Variants in INPP5A observed in about 807,000 individuals in gnomAD.
INPP5A encodes the protein 43 kDa inositol polyphosphate 5-phophatase.
INPP5A carries 14 observed loss-of-function variants against 65.2 expected under a neutral mutation model. That is an observed-to-expected ratio of 0.21 (90% CI 0.14 to 0.34). INPP5A has a LOEUF of 0.34. INPP5A is among the 10% of genes least tolerant of loss of function. The probability of loss-of-function intolerance (pLI) is 1.00; values close to 1 mark genes in which losing one functional copy is unlikely to be tolerated. For synonymous variants in INPP5A, 207 were observed against 208.3 expected (o/e 0.99, Z 0.05); for missense variants, 431 against 545.6 (o/e 0.79, Z 2.09).
chr10:132,599,711 C>T (rs1391312083), intron 1 of INPP5A, among the ~76,000 whole-genome samples: 1 of 152,264 alleles, frequency 6.6e-6, no homozygotes, highest in Non-Finnish European at 1.5e-5. Context: ...GAGGGCCCCA[C>T]CCCTGCAGCA....
chr10:132,729,974 C>T (rs1403038252), intron 9 of INPP5A, among the ~76,000 whole-genome samples: 1 of 152,208 alleles, frequency 6.6e-6, no homozygotes, highest in Non-Finnish European at 1.5e-5. Context: ...CGAGTGAGCA[C>T]CTGTGTCTGA....
At position 132,559,265 on chromosome 10, in the gene INPP5A, G is replaced by A. The variant is rs117284972; in HGVS notation, c.75+21094G>A. Among the ~76,000 whole-genome samples, 1,462 of 152,322 alleles carry A rather than the reference G, an allele frequency of 9.6e-3. 15 individuals carry two copies. The highest frequency in any genetic ancestry group is 0.034 in the East Asian group (174 of 5,180). ...TCTCCCCGGCCCTGCTGAGTGAAGCGCACACGTGGTAAATCTGCCCCATCA... is the reference window on the plus strand; with the variant it reads ...TCTCCCCGGCCCTGCTGAGTGAAGCACACACGTGGTAAATCTGCCCCATCA... On this transcript the variant is annotated intron_variant, in intron 1 of 15. Coordinates refer to ENST00000368594, the MANE Select transcript of INPP5A (RefSeq NM_005539.5).
chr10:132,777,570 C>T, intron 12 of INPP5A, 101 bp from the exon 13 acceptor site: 2 of 990,580 alleles, frequency 2.0e-6, no homozygotes, highest in Non-Finnish European at 3.0e-6. Flanking sequence ...GTAGTGCTGG[C>T]CATTCTAAGG....
At chr10:132,664,903 C>T (rs1183390107) in intron 4 of INPP5A, among the ~76,000 whole-genome samples, 2 of 152,190 alleles carry the variant, frequency 1.3e-5, no homozygotes, top group Admixed American at 1.3e-4. Flanking sequence ...GAGATGCATC[C>T]TGCTGTCTTA....
At position 132,676,573 on chromosome 10, in the gene INPP5A, T is replaced by G. The variant is rs2072967273; in HGVS notation, c.307-13819T>G. ...GGCTGAACACAAGCAGGTGACTGTG[T>G]GGGACAGGGCTGCCCAAACCGCCGC... On this transcript the variant is annotated intron_variant, in intron 4 of 15. Transcript: ENST00000368594. The surrounding 1 kb of genome is among the most constrained non-coding windows in gnomAD (Gnocchi z 4.0). 6.6e-6 allele frequency among the ~76,000 whole-genome samples: 1 copy of G among 152,188 alleles called. No individual in the cohort carries two copies. Among genetic ancestry groups the G allele is most frequent in the East Asian group, 1.9e-4 (1 of 5,196 alleles).
At chr10:132,601,345 T>C (rs148675028) in intron 1 of INPP5A, among the ~76,000 whole-genome samples, 1 of 152,342 alleles carries the variant, frequency 6.6e-6, no homozygotes, top group African/African-American at 2.4e-5. Context: ...TTAATGGGGT[T>C]GTATGTCCTT....
In INPP5A at chr10:132,644,542, C is replaced by A. The variant is rs183749392; in HGVS notation, c.118-1326C>A. On this transcript the variant is annotated intron_variant, in intron 2 of 15. Transcript: ENST00000368594. This position sits in a 1 kb window ranked among gnomAD's most constrained non-coding sequence, Gnocchi z 6.5. ...TGGGCTCCTGGGAGGTGGGCCATGC[C>A]CACAGCTCCACCTGGCTCACAGTGA... Among the ~76,000 whole-genome samples, 393 of 152,358 alleles carry A rather than the reference C, an allele frequency of 2.6e-3. 1 individual carries two copies. The highest frequency in any genetic ancestry group is 8.9e-3 in the African/African-American group (372 of 41,586).
chr10:132,649,305 C>T (rs1046836208), intron 3 of INPP5A, among the ~76,000 whole-genome samples: 4 of 152,214 alleles, frequency 2.6e-5, no homozygotes, highest in South Asian at 2.1e-4. Context: ...AATGACTGTT[C>T]CCAGTTGCTT....
intron 4 of INPP5A, among the ~76,000 whole-genome samples, chr10:132,657,766 G>A (rs994952935): frequency 2.9e-4 from 44 of 152,272 alleles, no homozygotes; most frequent in African/African-American, 9.2e-4. Context: ...AGGCAAACGC[G>A]TTTATGATGA....
chr10:132,720,390 T>G (rs1241171695), intron 8 of INPP5A, among the ~76,000 whole-genome samples: 2 of 139,392 alleles, frequency 1.4e-5, no homozygotes, highest in African/African-American at 6.5e-5. Flanking sequence ...CTGGGCACCT[T>G]AGACGGCTGT....
At chr10:132,563,249 G>A (rs973978924) in intron 1 of INPP5A, among the ~76,000 whole-genome samples, 1 of 152,234 alleles carries the variant, frequency 6.6e-6, no homozygotes, top group African/African-American at 2.4e-5. Flanking sequence ...CACAGTCCCT[G>A]GGGGCTGGCG....
At chr10:132,572,587 G>C (rs541782267) in intron 1 of INPP5A, among the ~76,000 whole-genome samples, 7 of 151,130 alleles carry the variant, frequency 4.6e-5, no homozygotes, top group African/African-American at 1.5e-4. Context: ...GGGATGTGCC[G>C]TTTGCTCTTT....
At chr10:132,677,750 A>G (rs1297006349) in intron 4 of INPP5A, among the ~76,000 whole-genome samples, 1 of 152,200 alleles carries the variant, frequency 6.6e-6, no homozygotes, top group Non-Finnish European at 1.5e-5. Flanking sequence ...TCGTGTCAGC[A>G]TGACTGGTGT....
At chr10:132,712,638 G>A (rs991425025) in intron 8 of INPP5A, among the ~76,000 whole-genome samples, 2 of 151,564 alleles carry the variant, frequency 1.3e-5, no homozygotes, top group Non-Finnish European at 2.9e-5. Flanking sequence ...GTATATGCAT[G>A]TGTGGGTGCA....
Position 132,676,484 on chromosome 10 carries a change from A to G in INPP5A, c.307-13908A>G, listed in dbSNP as rs890997121. On this transcript the variant is annotated intron_variant, in intron 4 of 15. Coordinates refer to ENST00000368594, the MANE Select transcript of INPP5A (RefSeq NM_005539.5). This position sits in a 1 kb window ranked among gnomAD's most constrained non-coding sequence, Gnocchi z 4.0. ...TTTTTGTCTGGCATCAGCTCGTGAA[A>G]TATATTACATCAGACAAAAGTCAAT... Among the ~76,000 whole-genome samples, 3 of 152,212 alleles carry G rather than the reference A, an allele frequency of 2.0e-5. No homozygotes were observed. The highest frequency in any genetic ancestry group is 1.3e-4 in the Admixed American group (2 of 15,272).
rs978271181 is a variant in INPP5A, at chr10:132,780,855, A to G, written c.1096A>G (p.Ser366Gly). The change falls in exon 14 of 16, where the codon AGC (serine) becomes GGC (glycine). Residue 366 changes from serine to glycine, a missense_variant. Transcript: ENST00000368594. ...SAKELVLRSE[S>G]EEKVVTYDHI... ...GTCTGTTTCCCCTTTCCAGTCGGAGAGCGAGGAGAAGGTTGTCACCTATGA... is the reference window on the plus strand; with the variant it reads ...GTCTGTTTCCCCTTTCCAGTCGGAGGGCGAGGAGAAGGTTGTCACCTATGA... 4 of 1,612,788 alleles carry G rather than the reference A, an allele frequency of 2.5e-6. No homozygotes were observed. In the African/African-American group the frequency reaches 5.3e-5, roughly 22 times the overall value.
At chr10:132,596,965 G>T (rs981574147) in intron 1 of INPP5A, among the ~76,000 whole-genome samples, 6 of 151,418 alleles carry the variant, frequency 4.0e-5, no homozygotes, top group Admixed American at 2.0e-4. Context: ...ACATGTGTGC[G>T]TGTGTGCATG....
chr10:132,693,441 C>T (rs1212824895), intron 5 of INPP5A, among the ~76,000 whole-genome samples: 1 of 151,992 alleles, frequency 6.6e-6, no homozygotes, highest in African/African-American at 2.4e-5. Context: ...TTTATATAAA[C>T]ACCTAAAGAT....
At chr10:132,573,210 A>C (rs80109588) in intron 1 of INPP5A, among the ~76,000 whole-genome samples, 1 of 130,744 alleles carries the variant, frequency 7.6e-6, no homozygotes, top group Non-Finnish European at 1.6e-5. Flanking sequence ...GGTTTTATTG[A>C]GATGTTGGGG....
Sources: allele counts gnomAD v4.1 joint callset (sites outside exome capture counted in the v4.1 genomes callset), GRCh38; gene constraint gnomAD v4.1.1; non-coding constraint Gnocchi (gnomAD v3.1); transcripts MANE v1.5; gene names NCBI Gene and HGNC (gene_info 2026-07-23, HGNC 2026-07-21).